Variants in SLCO1B3 observed in about 807,000 individuals in gnomAD.
The protein encoded by SLCO1B3 is liver-specific organic anion transporter 2.
In SLCO1B3, 72 loss-of-function variants were observed where a neutral mutation model predicts 71.8. The ratio of observed to expected loss-of-function variants is 1.00; its 90% CI spans 0.83 to 1.22. The LOEUF (loss-of-function observed/expected upper bound fraction) is 1.22. SLCO1B3 is among the 50% of genes most tolerant of loss of function. The pLI is 0.00. For missense variants in SLCO1B3, 911 were observed against 819.7 expected, an observed-to-expected ratio of 1.11 and a Z score of -1.36; for synonymous variants, 298 against 278.4, an observed-to-expected ratio of 1.07 and a Z score of -0.70.
chr12:20,879,243 C>G (rs1865642481), intron 10 of SLCO1B3, among the ~76,000 whole-genome samples, 193 bp from the exon 11 acceptor site: 1 of 123,696 alleles, frequency 8.1e-6, no homozygotes, highest in African/African-American at 3.1e-5. Flanking sequence ...GAGTCTCGCT[C>G]TGTTGCCCAG....
chr12:20,913,943 T>C (rs551131658), intron 15 of SLCO1B3, among the ~76,000 whole-genome samples: 1 of 152,248 alleles, frequency 6.6e-6, no homozygotes, highest in South Asian at 2.1e-4. Context: ...GTTTGTTTGT[T>C]TGTTTTAGAG....
At chr12:20,880,810 T>A in intron 11 of SLCO1B3, 45 bp from the exon 12 acceptor site, 1 of 1,392,202 alleles carries the variant, frequency 7.2e-7, no homozygotes. Context: ...CTTTCTCTAC[T>A]TCCTCTTTCT....
intron 1 of SLCO1B3, among the ~76,000 whole-genome samples, chr12:20,811,669 C>T (rs943395277): frequency 6.6e-6 from 1 of 152,288 alleles, no homozygotes; most frequent in South Asian, 2.1e-4. Context: ...CTGTTCTGTT[C>T]AGGGAAGAGT....
chr12:20,855,188 A>G lies in SLCO1B3; in HGVS notation c.226+19A>G, dbSNP rs767250538. ...GAAATTGGTAACTTTTATTTTTTCT[A>G]TTTGATAACCATACTTGCATAAGTT... On this transcript the variant is annotated intron_variant, in intron 4 of 15. Transcript: ENST00000381545. 3.1e-6 allele frequency: 5 copies of G among 1,589,998 alleles called. No homozygotes were observed. The highest frequency in any genetic ancestry group is 2.2e-5 in the East Asian group (1 of 44,696).
chr12:20,892,829 T>G (rs1032669791), intron 13 of SLCO1B3, among the ~76,000 whole-genome samples: 1 of 152,148 alleles, frequency 6.6e-6, no homozygotes, highest in Non-Finnish European at 1.5e-5. Context: ...ATGTCTGTGC[T>G]TATGAATTTA....
intron 15 of SLCO1B3, among the ~76,000 whole-genome samples, chr12:20,911,505 A>G (rs1866374769): frequency 6.6e-6 from 1 of 152,152 alleles, no homozygotes; most frequent in Non-Finnish European, 1.5e-5. Context: ...AGGAAATTGT[A>G]ATGAATTGGT....
intron 2 of SLCO1B3, among the ~76,000 whole-genome samples, chr12:20,814,698 G>A (rs1484255146): frequency 6.6e-6 from 1 of 152,050 alleles, no homozygotes; most frequent in East Asian, 1.9e-4. Context: ...AGACCATGCT[G>A]GCTAACACGG....
rs373665461 is a variant in SLCO1B3, at chr12:20,879,603, G to C, written c.1303G>C (p.Val435Leu). 16 of 1,611,260 alleles carry C rather than the reference G, an allele frequency of 9.9e-6. No individual in the cohort carries two copies. Among genetic ancestry groups the C allele is most frequent in the Non-Finnish European group, 1.3e-5 (15 of 1,178,672 alleles). The stretch of plus-strand genomic sequence containing the variant: ...CCCTCTAATCTGCGAAAGCAAATCA[G>C]TTGCCGGCCTAACCTTGACCTATGA... The part of the protein sequence containing the change: ...YFPLICESKS[V>L]AGLTLTYDGN... Residue 435 changes from valine (V) to leucine (L), a missense_variant, in exon 11 of 16, where the codon GTT (valine) becomes CTT (leucine). By Grantham distance (32) the Val-to-Leu change is conservative. Coordinates refer to ENST00000381545, the MANE Select transcript of SLCO1B3 (RefSeq NM_019844.4).
Position 20,861,150 on chromosome 12 carries a change from T to G in SLCO1B3, c.481+12T>G, listed in dbSNP as rs202057920. 2 of 1,560,634 alleles carry G rather than the reference T, an allele frequency of 1.3e-6. No individual in the cohort carries two copies. The highest frequency in any genetic ancestry group is 1.7e-6 in the Non-Finnish European group (2 of 1,155,228). On this transcript the variant is annotated intron_variant, in intron 6 of 15. Coordinates refer to ENST00000381545, the MANE Select transcript of SLCO1B3 (RefSeq NM_019844.4). Reference sequence around the variant, plus strand: ...GATAGTAGAAAAAGGTAAGAATTAATAGTGACAGTAAAACAAATTCTAGAT... The same window carrying G: ...GATAGTAGAAAAAGGTAAGAATTAAGAGTGACAGTAAAACAAATTCTAGAT...
intron 15 of SLCO1B3, among the ~76,000 whole-genome samples, chr12:20,904,767 T>C (rs1042240220): frequency 9.6e-5 from 12 of 125,336 alleles, no homozygotes; most frequent in African/African-American, 3.6e-4. Flanking sequence ...TTTTTTTTTT[T>C]TTTTTTTTTT....
chr12:20,818,975 A>G (rs1013872754), intron 3 of SLCO1B3, among the ~76,000 whole-genome samples: 2 of 152,258 alleles, frequency 1.3e-5, no homozygotes, highest in Admixed American at 6.5e-5. Context: ...GGGAGCAGAA[A>G]GTATATGCGT....
chr12:20,872,366 T>G (rs910100086), intron 8 of SLCO1B3, among the ~76,000 whole-genome samples: 1 of 151,514 alleles, frequency 6.6e-6, no homozygotes, highest in Non-Finnish European at 1.5e-5. Flanking sequence ...TAGAAATGCT[T>G]TCCAAGAGCT....
intron 13 of SLCO1B3, among the ~76,000 whole-genome samples, chr12:20,886,802 A>G (rs1176405178): frequency 6.6e-6 from 1 of 151,934 alleles, no homozygotes; most frequent in East Asian, 1.9e-4. Flanking sequence ...CTGGGGTTTA[A>G]TGTTCCCATC....
At chr12:20,905,509 C>T (rs1432744802) in intron 15 of SLCO1B3, among the ~76,000 whole-genome samples, 1 of 152,162 alleles carries the variant, frequency 6.6e-6, no homozygotes, top group African/African-American at 2.4e-5. Flanking sequence ...CTTTTAGAAA[C>T]AGCCAGGTCA....
chr12:20,815,816 A>T lies in SLCO1B3; in HGVS notation c.78A>T (p.Gly26=). The change falls in exon 3 of 16, where the codon GGA becomes GGT. Residue 26 remains glycine (G), a synonymous_variant. Coordinates refer to ENST00000381545, the MANE Select transcript of SLCO1B3 (RefSeq NM_019844.4). ...AAAAGAAAACAAGACGCTGCAATGG[A>T]TTCAAGGTAGAATGGGTTTTATATT... is the stretch of plus-strand genomic sequence containing the variant. The part of the protein sequence containing the change: ...SEKKKTRRCN[G]FKMFLAALSF... The T allele has an allele frequency of 6.3e-7, 1 of 1,581,698 alleles. No individual in the cohort carries two copies. The highest frequency in any genetic ancestry group is 8.6e-7 in the Non-Finnish European group (1 of 1,161,288).
chr12:20,856,843 A>T (rs550354891), intron 4 of SLCO1B3, among the ~76,000 whole-genome samples: 1 of 152,238 alleles, frequency 6.6e-6, no homozygotes, highest in South Asian at 2.1e-4. Context: ...TACAGACGTG[A>T]CCCTCCACAT....
At chr12:20,837,050 A>T (rs1452722878) in intron 3 of SLCO1B3, among the ~76,000 whole-genome samples, 1 of 152,146 alleles carries the variant, frequency 6.6e-6, no homozygotes, top group Non-Finnish European at 1.5e-5. Flanking sequence ...TAGATTGTTT[A>T]TTTTGGGAAA....
intron 13 of SLCO1B3, among the ~76,000 whole-genome samples, chr12:20,889,951 T>G (rs1865871318): frequency 6.6e-6 from 1 of 151,746 alleles, no homozygotes; most frequent in African/African-American, 2.4e-5. Flanking sequence ...AGAATCTCAC[T>G]CTGTCACCCA....
intron 3 of SLCO1B3, among the ~76,000 whole-genome samples, chr12:20,835,855 C>T (rs149579884): frequency 6.6e-6 from 1 of 152,286 alleles, no homozygotes; most frequent in East Asian, 1.9e-4. Flanking sequence ...TATCAGGTAT[C>T]CTGTAGCAAT....
Sources: gnomAD v4.1 joint callset for allele counts (sites outside exome capture counted in the v4.1 genomes callset) on GRCh38, gnomAD v4.1.1 for gene constraint, MANE v1.5 for transcripts, NCBI Gene and HGNC (gene_info 2026-07-23, HGNC 2026-07-21) for gene names.